The following FAM53B variants were observed in gnomAD, a reference collection of about 807,000 sequenced individuals.
FAM53B encodes the protein family with sequence similarity 53 member B.
Under a neutral mutation model 32.7 loss-of-function variants are expected in FAM53B, and 12 were observed. The ratio of observed to expected loss-of-function variants is 0.37; its 90% CI spans 0.24 to 0.59. The LOEUF (loss-of-function observed/expected upper bound fraction) is 0.59, where lower values mean the gene tolerates loss of function less well. Among genes scored for constraint, FAM53B ranks in the 20% least tolerant of loss-of-function variants. The probability of loss-of-function intolerance (pLI) is 0.72; values close to 1 mark genes in which losing one functional copy is unlikely to be tolerated. For missense variants in FAM53B, 477 were observed against 577.7 expected, an observed-to-expected ratio of 0.83 and a Z score of 1.79; for synonymous variants, 234 against 228.7, an observed-to-expected ratio of 1.02 and a Z score of -0.21.
At chr10:124,649,374 C>G (rs1026861039) in intron 4 of FAM53B, among the ~76,000 whole-genome samples, 1 of 152,176 alleles carries the variant, frequency 6.6e-6, no homozygotes, top group Non-Finnish European at 1.5e-5. Context: ...CCCATCTGAC[C>G]AAGCAGAATG....
At chr10:124,653,696 G>C (rs947365659) in intron 4 of FAM53B, among the ~76,000 whole-genome samples, 1 of 152,176 alleles carries the variant, frequency 6.6e-6, no homozygotes. Flanking sequence ...TCTCAGCCTC[G>C]CTTTCCTTGT....
rs190703019 is a variant in FAM53B at position 124,733,300 on chromosome 10, C to A, written c.-175+10713G>T. ...CCCAGGTCACATGCCACACAGTCAA[C>A]GGGGCCTGGAATCTGGGCTGGCATC... On this transcript the variant is annotated intron_variant, in intron 1 of 4. Transcript: ENST00000337318. The surrounding 1 kb of genome is among the most constrained non-coding windows in gnomAD (Gnocchi z 4.3). Among the ~76,000 whole-genome samples, 106 of 152,310 alleles carry A rather than the reference C, an allele frequency of 7.0e-4. No individual in the cohort carries two copies. The highest frequency in any genetic ancestry group is 4.7e-4 in the Non-Finnish European group (32 of 68,026).
At chr10:124,706,960 C>T (rs992815014) in intron 1 of FAM53B, 73 bp from the exon 2 acceptor site, 5 of 1,333,314 alleles carry the variant, frequency 3.8e-6, no homozygotes, top group Admixed American at 3.0e-5. Flanking sequence ...ACCCCTCCCA[C>T]AGTACTGGAA....
intron 1 of FAM53B, among the ~76,000 whole-genome samples, chr10:124,723,726 C>T (rs1014226510): frequency 1.3e-5 from 2 of 152,136 alleles, no homozygotes; most frequent in Non-Finnish European, 2.9e-5. Flanking sequence ...CCAGGCAGAG[C>T]CTGGACAGCC....
intron 2 of FAM53B, among the ~76,000 whole-genome samples, chr10:124,702,243 T>C (rs1465644016): frequency 2.0e-5 from 3 of 152,264 alleles, no homozygotes; most frequent in Non-Finnish European, 4.4e-5. Flanking sequence ...ACTTGTTATC[T>C]TCTTAGTCTG....
At chr10:124,688,107 G>A (rs1949813345) in intron 3 of FAM53B, among the ~76,000 whole-genome samples, 1 of 152,228 alleles carries the variant, frequency 6.6e-6, no homozygotes, top group Non-Finnish European at 1.5e-5. Flanking sequence ...TTGATGGACA[G>A]CCACTAGCAA....
chr10:124,627,130 T>C (rs1374946094), intron 4 of FAM53B, among the ~76,000 whole-genome samples: 3 of 152,220 alleles, frequency 2.0e-5, no homozygotes, highest in Admixed American at 6.5e-5. Flanking sequence ...AACCACCCAC[T>C]GTTTGCCCCA....
intron 4 of FAM53B, among the ~76,000 whole-genome samples, chr10:124,648,931 C>T (rs1420624910): frequency 6.6e-6 from 1 of 152,246 alleles, no homozygotes; most frequent in Non-Finnish European, 1.5e-5. Flanking sequence ...ACAAGCGAGC[C>T]ACTTGCGGGA....
At chr10:124,657,060 GTA>G (rs58992450) in intron 4 of FAM53B, among the ~76,000 whole-genome samples, 46 of 77,410 alleles carry the variant, frequency 5.9e-4, no homozygotes, top group Admixed American at 1.4e-3. Context: ...ATGTATATAT[GTA>G]TATATATATG....
intron 4 of FAM53B, among the ~76,000 whole-genome samples, chr10:124,667,697 C>T (rs1003113820): frequency 7.9e-5 from 12 of 152,226 alleles, no homozygotes; most frequent in Non-Finnish European, 1.3e-4. Context: ...CTGCTCTCTC[C>T]CTCACTGGAC....
chr10:124,653,280 G>A (rs183995667), intron 4 of FAM53B, among the ~76,000 whole-genome samples: 39 of 152,372 alleles, frequency 2.6e-4, no homozygotes, highest in Admixed American at 5.9e-4. Context: ...AGGAGGTAAT[G>A]TCCTCCAGAT....
At position 124,623,269 on chromosome 10, in the gene FAM53B, C is replaced by T. The variant is rs770318825; in HGVS notation, c.1242G>A (p.Leu414=). 1 of 1,608,778 alleles carries T rather than the reference C, an allele frequency of 6.2e-7. No homozygotes were observed. Among genetic ancestry groups the T allele is most frequent in the African/African-American group, 1.3e-5 (1 of 74,966 alleles). ...GNSLCSLDGE[L]DIEQIEKN The stretch of plus-strand genomic sequence containing the variant: ...AGTTCTTCTCTATCTGCTCAATGTC[C>T]AACTCGCCGTCCAGGGAGCAGAGGC... The change falls in exon 5 of 5, where the codon TTG becomes TTA. Residue 414 remains leucine (L), a synonymous_variant. Transcript: ENST00000337318.
chr10:124,676,344 C>T (rs1019279057), intron 4 of FAM53B, among the ~76,000 whole-genome samples: 7 of 152,198 alleles, frequency 4.6e-5, no homozygotes, highest in African/African-American at 1.4e-4. Flanking sequence ...CAGCTTCCCA[C>T]CCTGAGAGGA....
rs1278508116 is a variant in FAM53B at position 124,641,761 on chromosome 10, T to C, written c.907-18157A>G. On this transcript the variant is annotated intron_variant, in intron 4 of 4. Transcript: ENST00000337318. Reference sequence around the variant, plus strand: ...AGAGGAGCCCCTTCTTGACCCTCGGTCCCAGGTGTCAACAGGTGGGTCTTA... The same window carrying C: ...AGAGGAGCCCCTTCTTGACCCTCGGCCCCAGGTGTCAACAGGTGGGTCTTA... 3.9e-5 allele frequency among the ~76,000 whole-genome samples: 6 copies of C among 152,308 alleles called. No individual in the cohort carries two copies. The South Asian group carries it at 1.2e-3, about 32-fold the overall frequency.
intron 4 of FAM53B, among the ~76,000 whole-genome samples, chr10:124,627,149 C>T (rs1196026190): frequency 2.0e-5 from 3 of 152,184 alleles, no homozygotes; most frequent in East Asian, 3.9e-4. Context: ...CAGCTGGTGG[C>T]GAGCCCCACC....
chr10:124,674,948 G>A lies in FAM53B; in HGVS notation c.906+6659C>T, dbSNP rs549886786. On this transcript the variant is annotated intron_variant, in intron 4 of 4. Coordinates refer to ENST00000337318, the MANE Select transcript of FAM53B (RefSeq NM_014661.4). ...GAAAGGGCCCCTACTTCAGAGAGCC[G>A]GGGCCTCCCAGAGTCTCATAGCTTC... Among the ~76,000 whole-genome samples, 12 of 152,306 alleles carry A rather than the reference G, an allele frequency of 7.9e-5. No individual in the cohort carries two copies. The South Asian group carries it at 1.0e-3, about 13-fold the overall frequency.
chr10:124,666,117 T>C (rs940354522), intron 4 of FAM53B, among the ~76,000 whole-genome samples: 3 of 152,150 alleles, frequency 2.0e-5, no homozygotes, highest in African/African-American at 7.2e-5. Flanking sequence ...CCCAGAAAGT[T>C]CCCCTGGTGG....
At chr10:124,711,461 G>A (rs959787416) in intron 1 of FAM53B, among the ~76,000 whole-genome samples, 1 of 151,990 alleles carries the variant, frequency 6.6e-6, no homozygotes, top group African/African-American at 2.4e-5. Context: ...TTACCATTAG[G>A]GGACAGCGAG....
intron 4 of FAM53B, among the ~76,000 whole-genome samples, chr10:124,664,320 G>A (rs1189653543): frequency 6.6e-6 from 1 of 152,186 alleles, no homozygotes; most frequent in Non-Finnish European, 1.5e-5. Context: ...CCCCAGGCAT[G>A]GGAAGTGGGC....
Sources: gnomAD v4.1 joint callset for allele counts (sites outside exome capture counted in the v4.1 genomes callset) on GRCh38, gnomAD v4.1.1 for gene constraint, Gnocchi (gnomAD v3.1) non-coding constraint, MANE v1.5 for transcripts, NCBI Gene and HGNC (gene_info 2026-07-23, HGNC 2026-07-21) for gene names.